HUNK: variants seen among roughly 807,000 people sequenced by gnomAD.
HUNK encodes the protein hormonally up-regulated Neu-associated kinase.
In HUNK, 21 loss-of-function variants were observed where a neutral mutation model predicts 61.0. That is an observed-to-expected ratio of 0.34 (90% confidence interval 0.24 to 0.50). HUNK has a LOEUF of 0.50. HUNK is among the 20% of genes least tolerant of loss of function. HUNK has a pLI of 0.98. For synonymous variants in HUNK, 371 were observed against 386.1 expected (o/e 0.96, Z 0.46); for missense variants, 772 against 945.7 (o/e 0.82, Z 2.41).
intron 5 of HUNK, among the ~76,000 whole-genome samples, chr21:31,962,975 C>A (rs2052939035): frequency 6.6e-6 from 1 of 152,176 alleles, no homozygotes; most frequent in Admixed American, 6.5e-5. Context: ...CTGAGGCAGC[C>A]CAGGGCATCT....
rs1386344920 is a variant in HUNK, at chr21:31,873,087, A to G, written c.-588A>G. 6.6e-6 allele frequency among the ~76,000 whole-genome samples: 1 copy of G among 151,988 alleles called. No homozygotes were observed. The highest frequency in any genetic ancestry group is 1.5e-5 in the Non-Finnish European group (1 of 67,966). On this transcript the variant is annotated 5_prime_UTR_variant, in exon 1 of 11. Transcript: ENST00000270112. This position sits in a 1 kb window ranked among gnomAD's most constrained non-coding sequence, Gnocchi z 6.1. ...ATCTGTTCCCGCCGCCCGCGAGCGG[A>G]TTAAATTTCTGCAAATTCAAACTGA... is the stretch of plus-strand genomic sequence containing the variant.
intron 1 of HUNK, among the ~76,000 whole-genome samples, chr21:31,919,747 G>T (rs556343296): frequency 1.3e-5 from 2 of 152,260 alleles, no homozygotes; most frequent in African/African-American, 4.8e-5. Context: ...CAGAGGGGAC[G>T]GTGGAGTCAA....
chr21:31,947,371 A>G (rs2052815076), intron 4 of HUNK, among the ~76,000 whole-genome samples: 1 of 146,064 alleles, frequency 6.8e-6, no homozygotes, highest in African/African-American at 2.6e-5. Flanking sequence ...GTCTCAAGCC[A>G]GTGGCGCCTG....
At chr21:31,896,564 C>A (rs911409231) in intron 1 of HUNK, among the ~76,000 whole-genome samples, 1 of 152,048 alleles carries the variant, frequency 6.6e-6, no homozygotes, top group Admixed American at 6.5e-5. Context: ...CATGTTGGGT[C>A]AAGAAAAAAA....
In HUNK at chr21:31,933,677, C is replaced by T. The variant is rs543987811; in HGVS notation, c.555-6488C>T. Among the ~76,000 whole-genome samples, 32 of 151,330 alleles carry T rather than the reference C, an allele frequency of 2.1e-4. No individual in the cohort carries two copies. In the East Asian group the frequency reaches 5.5e-3, roughly 26 times the overall value. Reference sequence around the variant, plus strand: ...GTGCATGCCTGTAATCCCAGCTACTCGGGAGGCTGAGGCAGGAGAATCGCT... The same window carrying T: ...GTGCATGCCTGTAATCCCAGCTACTTGGGAGGCTGAGGCAGGAGAATCGCT... On this transcript the variant is annotated intron_variant, in intron 2 of 10. Coordinates refer to ENST00000270112, the MANE Select transcript of HUNK (RefSeq NM_014586.2).
chr21:32,002,462 G>A lies in HUNK; in HGVS notation c.*3278G>A, dbSNP rs1462594253. 6.6e-6 allele frequency: 1 copy of A among 152,212 alleles called. No homozygotes were observed. Among genetic ancestry groups the A allele is most frequent in the African/African-American group, 2.4e-5 (1 of 41,446 alleles). The allele number at this position is 152,212 out of a possible 1,614,324, so 9.4% of individuals were successfully genotyped here. A position where few individuals can be genotyped will look rare whatever the true frequency, so the allele number is the denominator to read the frequency against. On this transcript the variant is annotated 3_prime_UTR_variant, in exon 11 of 11. Transcript: ENST00000270112. ...GCATTGGGGGGCATTTTCTGGGCCA[G>A]TTTCCCTGCCTTATTTTACCTGCAA...
intron 5 of HUNK, among the ~76,000 whole-genome samples, chr21:31,967,253 A>T (rs1568936943): frequency 1.3e-5 from 2 of 152,126 alleles, no homozygotes; most frequent in African/African-American, 4.8e-5. Flanking sequence ...TGGAAGGCTG[A>T]GGTGGGAAGG....
rs111816427 is a variant in HUNK at position 31,995,634 on chromosome 21, TC to T, written c.1306-133del. ...GGCTGGGCCACAGCTCCTCCCTCATTCAACACACAGTTGAGAGCATAGAGTA... is the reference window on the plus strand; with the variant it reads ...GGCTGGGCCACAGCTCCTCCCTCATTAACACACAGTTGAGAGCATAGAGTA... On this transcript the variant is annotated intron_variant, in intron 9 of 10. Transcript: ENST00000270112. 190 of 757,064 alleles carry T rather than the reference TC, an allele frequency of 2.5e-4. 1 individual carries two copies. The African/African-American group carries it at 2.9e-3, about 11-fold the overall frequency. The allele number at this position is 757,064 out of a possible 1,614,324, so 46.9% of individuals were successfully genotyped here.
At chr21:31,903,976 C>CA (rs1451631823) in intron 1 of HUNK, among the ~76,000 whole-genome samples, 1 of 152,134 alleles carries the variant, frequency 6.6e-6, no homozygotes, top group African/African-American at 2.4e-5. Flanking sequence ...GAAAACTAAA[C>CA]AAAATCAACT....
At chr21:31,976,458 A>ATTT (rs2053049871) in intron 7 of HUNK, among the ~76,000 whole-genome samples, 1 of 91,398 alleles carries the variant, frequency 1.1e-5, no homozygotes, top group Non-Finnish European at 2.4e-5. Context: ...GTTTTTTGAG[A>ATTT]CTTTTTTTTT....
At chr21:31,972,330 C>CT (rs2053017435) in intron 6 of HUNK, among the ~76,000 whole-genome samples, 1 of 152,084 alleles carries the variant, frequency 6.6e-6, no homozygotes, top group Admixed American at 6.6e-5. Flanking sequence ...TTGTACCATT[C>CT]TCTGTGTCAT....
intron 8 of HUNK, 67 bp downstream of exon 8, chr21:31,983,676 G>GA: frequency 8.8e-7 from 1 of 1,132,246 alleles, no homozygotes; most frequent in Non-Finnish European, 1.3e-6. Context: ...GCAGTAATTG[G>GA]AAAAGAAACC....
intron 2 of HUNK, among the ~76,000 whole-genome samples, chr21:31,928,505 G>C (rs1016699350): frequency 8.5e-5 from 13 of 152,080 alleles, no homozygotes; most frequent in Non-Finnish European, 1.3e-4. Context: ...TTCTACTTTT[G>C]CCTCTCTCTC....
chr21:31,879,614 C>T (rs889326369), intron 1 of HUNK, among the ~76,000 whole-genome samples: 7 of 152,124 alleles, frequency 4.6e-5, no homozygotes, highest in African/African-American at 7.2e-5. Flanking sequence ...TATAGCTACC[C>T]GTGCATACCA....
intron 1 of HUNK, among the ~76,000 whole-genome samples, chr21:31,895,779 C>T (rs2123795814): frequency 6.6e-6 from 1 of 152,280 alleles, no homozygotes; most frequent in African/African-American, 2.4e-5. Context: ...CCTGATCACC[C>T]CTGGTAGAGG....
At chr21:31,970,127 G>A (rs989272388) in intron 6 of HUNK, among the ~76,000 whole-genome samples, 2 of 152,162 alleles carry the variant, frequency 1.3e-5, no homozygotes, top group African/African-American at 4.8e-5. Context: ...GGGGTGTCCT[G>A]TGTGGTCATA....
intron 4 of HUNK, among the ~76,000 whole-genome samples, chr21:31,952,806 C>A (rs2052860645): frequency 7.0e-6 from 1 of 143,720 alleles, no homozygotes; most frequent in Non-Finnish European, 1.5e-5. Context: ...GGGTTTTCTT[C>A]TGTCCTGCGA....
intron 1 of HUNK, among the ~76,000 whole-genome samples, chr21:31,894,832 C>G (rs370912045): frequency 2.6e-5 from 4 of 152,268 alleles, no homozygotes; most frequent in South Asian, 4.2e-4. Flanking sequence ...GATTTCTTCC[C>G]CCAAATGGCC....
At chr21:31,930,978 G>C (rs2052692231) in intron 2 of HUNK, among the ~76,000 whole-genome samples, 1 of 135,046 alleles carries the variant, frequency 7.4e-6, no homozygotes, top group Admixed American at 8.7e-5. Context: ...CATTATTCTT[G>C]TATTTTACCA....
Sources: gnomAD v4.1 joint callset for allele counts (sites outside exome capture counted in the v4.1 genomes callset) on GRCh38, gnomAD v4.1.1 for gene constraint, Gnocchi (gnomAD v3.1) non-coding constraint, MANE v1.5 for transcripts, NCBI Gene and HGNC (gene_info 2026-07-23, HGNC 2026-07-21) for gene names.